Variants in IL31RA observed in about 807,000 individuals in gnomAD.
The protein encoded by IL31RA is interleukin 31 receptor A.
A neutral mutation model predicts 83.7 loss-of-function variants in IL31RA; 66 were observed. The ratio of observed to expected loss-of-function variants is 0.79; its 90% CI spans 0.65 to 0.97. IL31RA has a LOEUF of 0.97. Among genes scored for constraint, IL31RA ranks in the 50% least tolerant of loss-of-function variants. The pLI, the probability that IL31RA is intolerant of heterozygous loss-of-function variation, is 0.00. For missense variants in IL31RA, 798 were observed against 919.4 expected (o/e 0.87, Z 1.71); for synonymous variants, 325 against 329.0 (o/e 0.99, Z 0.13).
In IL31RA at chr5:55,916,730, G is replaced by A. The variant is rs1032962839; in HGVS notation, c.1905G>A (p.Leu635=). The change falls in exon 15 of 15, where the codon TTG becomes TTA. Residue 635 remains leucine (L), a synonymous_variant. Transcript: ENST00000652347. ...CATGTTCCACCCCCAGTGACAAGTT[G>A]GTGATTGACAAGTTGGTGGTGAACT... ...LKPCSTPSDK[L]VIDKLVVNFG... is the part of the protein sequence containing the mutation. 3 of 1,614,170 alleles carry A rather than the reference G, an allele frequency of 1.9e-6. No homozygotes were observed. The highest frequency in any genetic ancestry group is 1.7e-5 in the Admixed American group (1 of 60,032).
At position 55,920,971 on chromosome 5, in the gene IL31RA, G is replaced by A. The variant is rs1750063380; in HGVS notation, c.*3851G>A. Among the ~76,000 whole-genome samples, 1 of 152,104 alleles carries A rather than the reference G, an allele frequency of 6.6e-6. No homozygotes were observed. The highest frequency in any genetic ancestry group is 6.5e-5 in the Admixed American group (1 of 15,270). On this transcript the variant is annotated 3_prime_UTR_variant, in exon 15 of 15. Transcript: ENST00000652347. ...GGAAGGTGCTACTGGCATCTAGTGG[G>A]TAGAGGCCGGCAATGCTGGAAATTA... is the stretch of plus-strand genomic sequence containing the variant.
rs772290215 is a variant in IL31RA, at chr5:55,883,168, A to G, written c.579A>G (p.Arg193=). ...PVSSDLKYTL[R]FRTVNSTSWM... ...CATCTGATTTAAAATACACACTTCGATTCAGGACAGTCAACAGTACCAGCT... is the reference window on the plus strand; with the variant it reads ...CATCTGATTTAAAATACACACTTCGGTTCAGGACAGTCAACAGTACCAGCT... Residue 193 remains arginine, a synonymous_variant, in exon 5 of 15, where the codon CGA becomes CGG. Transcript: ENST00000652347. 1 of 1,614,032 alleles carries G rather than the reference A, an allele frequency of 6.2e-7. No homozygotes were observed. The highest frequency in any genetic ancestry group is 1.1e-5 in the South Asian group (1 of 91,082).
intron 5 of IL31RA, among the ~76,000 whole-genome samples, chr5:55,888,782 T>A (rs1327817801): frequency 6.6e-6 from 1 of 152,192 alleles, no homozygotes; most frequent in Admixed American, 6.5e-5. Flanking sequence ...TCAGGGAACC[T>A]GGGATTTAGC....
intron 2 of IL31RA, among the ~76,000 whole-genome samples, chr5:55,860,414 A>T (rs1191023411): frequency 6.6e-6 from 1 of 151,972 alleles, no homozygotes; most frequent in East Asian, 1.9e-4. Context: ...CTCTCTAAAT[A>T]TCTCATTGTA....
intron 1 of IL31RA, among the ~76,000 whole-genome samples, chr5:55,857,034 G>T (rs1745402268): frequency 6.6e-6 from 1 of 151,924 alleles, no homozygotes; most frequent in Non-Finnish European, 1.5e-5. Flanking sequence ...AGATAACCAG[G>T]ATCACCTTGA....
At chr5:55,858,359 T>A (rs1745474013) in intron 1 of IL31RA, among the ~76,000 whole-genome samples, 1 of 152,174 alleles carries the variant, frequency 6.6e-6, no homozygotes, top group South Asian at 2.1e-4. Context: ...TAAGACAACA[T>A]TCTGAATAAT....
intron 8 of IL31RA, among the ~76,000 whole-genome samples, chr5:55,901,308 A>G (rs1148038): frequency 0.85 from 129,171 of 152,086 alleles, 55,240 homozygotes; most frequent in African/African-American, 0.96. Context: ...AGGTGCTGTT[A>G]AATAGTAACC....
At chr5:55,854,255 A>G (rs1340191304) in intron 1 of IL31RA, among the ~76,000 whole-genome samples, 4 of 152,124 alleles carry the variant, frequency 2.6e-5, no homozygotes, top group African/African-American at 7.2e-5. Flanking sequence ...GGATTTATAG[A>G]CTTTGAAACT....
the IL31RA span, chr5:55,839,933 G>A: frequency 2.1e-5 from 14 of 675,506 alleles, no homozygotes; most frequent in Non-Finnish European, 3.6e-5. Context: ...TTTGCAGTCA[G>A]AAGAAACGCT....
intron 2 of IL31RA, among the ~76,000 whole-genome samples, chr5:55,867,805 G>T (rs936337943): frequency 6.6e-6 from 1 of 151,978 alleles, no homozygotes; most frequent in Non-Finnish European, 1.5e-5. Context: ...AAGTAAAAGC[G>T]CAAACCCCTG....
At chr5:55,875,794 A>C (rs904787267) in intron 4 of IL31RA, among the ~76,000 whole-genome samples, 1 of 152,210 alleles carries the variant, frequency 6.6e-6, no homozygotes, top group Non-Finnish European at 1.5e-5. Context: ...GTATCTATTT[A>C]AATATTCTGT....
intron 6 of IL31RA, among the ~76,000 whole-genome samples, chr5:55,891,694 A>G (rs1748002270): frequency 1.3e-5 from 2 of 151,312 alleles, no homozygotes; most frequent in Admixed American, 6.6e-5. Flanking sequence ...TCATTAACTT[A>G]ATCACATCTG....
At position 55,908,158 on chromosome 5, in the gene IL31RA, G is replaced by A. The variant is rs994190566; in HGVS notation, c.1355-107G>A. 1.1e-5 allele frequency: 17 copies of A among 1,502,932 alleles called. 1 individual carries two copies. In the South Asian group the frequency reaches 1.4e-4, roughly 12 times the overall value. 93.1% of individuals were successfully genotyped at this position (1,502,932 alleles called of 1,614,324 possible). On this transcript the variant is annotated intron_variant, in intron 10 of 14. Transcript: ENST00000652347. ...ATTCCCTACTCAACCCTCACCCGTCGCCTCCAGCACTATGGTTTGGTCTGA... is the reference window on the plus strand; with the variant it reads ...ATTCCCTACTCAACCCTCACCCGTCACCTCCAGCACTATGGTTTGGTCTGA...
At chr5:55,905,814 T>A (rs944378578) in intron 8 of IL31RA, among the ~76,000 whole-genome samples, 1 of 152,216 alleles carries the variant, frequency 6.6e-6, no homozygotes, top group Non-Finnish European at 1.5e-5. Context: ...CAGAGACACC[T>A]GTGGAAGGTA....
At chr5:55,899,782 G>T (rs1748692582) in intron 7 of IL31RA, 134 bp from the exon 8 acceptor site, 1 of 708,120 alleles carries the variant, frequency 1.4e-6, no homozygotes, top group Non-Finnish European at 2.6e-6. Context: ...ATCCCTGGAG[G>T]GTAATTACCT....
At chr5:55,914,995 G>A in intron 14 of IL31RA, 67 bp downstream of exon 14, 2 of 1,191,162 alleles carry the variant, frequency 1.7e-6, no homozygotes, top group Non-Finnish European at 2.5e-6. Flanking sequence ...ATGGAGATGG[G>A]GAAAGAGTCC....
chr5:55,889,235 G>A (rs1253397504), intron 5 of IL31RA, among the ~76,000 whole-genome samples: 2 of 152,180 alleles, frequency 1.3e-5, no homozygotes, highest in East Asian at 3.8e-4. Context: ...GTTTCTCTTG[G>A]AGAGCTGAGT....
In IL31RA at chr5:55,900,048, A is replaced by G. The variant is rs1748717285; in HGVS notation, c.985A>G (p.Ser329Gly). The G allele has an allele frequency of 1.9e-6, 3 of 1,614,120 alleles. No homozygotes were observed. The South Asian group carries it at 3.3e-5, about 18-fold the overall frequency. Residue 329 changes from serine (S) to glycine (G), a missense_variant, in exon 8 of 15, where the codon AGC becomes GGC. Transcript: ENST00000652347. ...GCTTGAACTGCATCTGGGAGGCGAG[A>G]GCTTTTGGGTGTCTATGATTTCTTA... ...QQLELHLGGE[S>G]FWVSMISYNS...
chr5:55,911,576 C>A (rs1385142798), intron 12 of IL31RA, among the ~76,000 whole-genome samples: 1 of 151,902 alleles, frequency 6.6e-6, no homozygotes, highest in Non-Finnish European at 1.5e-5. Flanking sequence ...TTACTAGAGA[C>A]AACAAATAAT....
Sources: gnomAD v4.1 joint callset for allele counts (sites outside exome capture counted in the v4.1 genomes callset) on GRCh38, gnomAD v4.1.1 for gene constraint, MANE v1.5 for transcripts, NCBI Gene and HGNC (gene_info 2026-07-23, HGNC 2026-07-21) for gene names.